The following JARID2 variants were observed in gnomAD, a reference collection of about 807,000 sequenced individuals.
The protein encoded by JARID2 is jumonji and AT-rich interaction domain containing 2, also known as protein Jumonji.
In JARID2, 21 loss-of-function variants were observed where a neutral mutation model predicts 125.6. The ratio of observed to expected loss-of-function variants is 0.17; its 90% CI spans 0.12 to 0.24. JARID2 has a LOEUF of 0.24. JARID2 is among the 10% of genes least tolerant of loss of function. JARID2 has a pLI of 1.00. For missense variants in JARID2, 1,303 were observed against 1,639.6 expected (o/e 0.79, Z 3.55); for synonymous variants, 736 against 661.6 (o/e 1.11, Z -1.73).
intron 5 of JARID2, among the ~76,000 whole-genome samples, chr6:15,470,154 G>T (rs1769001358): frequency 6.7e-6 from 1 of 148,518 alleles, no homozygotes; most frequent in Non-Finnish European, 1.5e-5. Flanking sequence ...TCCAGCTTGG[G>T]CGACAGAGCG....
chr6:15,324,152 C>G (rs940788775), intron 1 of JARID2, among the ~76,000 whole-genome samples: 19 of 150,706 alleles, frequency 1.3e-4, no homozygotes, highest in South Asian at 2.1e-4. Context: ...GCACTCCAGC[C>G]TGGGGGACAG....
At chr6:15,457,330 C>A (rs1581591377) in intron 4 of JARID2, among the ~76,000 whole-genome samples, 1 of 152,136 alleles carries the variant, frequency 6.6e-6, no homozygotes, top group Non-Finnish European at 1.5e-5. Context: ...GTTGGGAATG[C>A]GATTAACCTT....
intron 1 of JARID2, among the ~76,000 whole-genome samples, chr6:15,295,322 C>CGTGTTAGCCAGGA (rs1761373124): frequency 6.6e-6 from 1 of 151,986 alleles, no homozygotes; most frequent in Admixed American, 6.6e-5. Flanking sequence ...GGGATTTCAC[C>CGTGTTAGCCAGGA]GTGTTAGCCA....
intron 1 of JARID2, among the ~76,000 whole-genome samples, chr6:15,356,442 A>G (rs758027891): frequency 2.0e-5 from 3 of 152,014 alleles, no homozygotes; most frequent in Admixed American, 6.5e-5. Flanking sequence ...TATTATAGTC[A>G]TTCTAGTGGA....
intron 1 of JARID2, among the ~76,000 whole-genome samples, chr6:15,310,982 T>C (rs761925539): frequency 2.4e-4 from 37 of 152,246 alleles, no homozygotes; most frequent in Admixed American, 7.8e-4. Context: ...ATGGGAACCG[T>C]CATAGAGTGA....
chr6:15,367,505 G>A (rs1163211746), intron 1 of JARID2, among the ~76,000 whole-genome samples: 6 of 152,066 alleles, frequency 3.9e-5, no homozygotes, highest in African/African-American at 1.4e-4. Context: ...TTTTACCTAG[G>A]AGTCAGTGTG....
chr6:15,475,144 A>AT (rs1360284236), intron 5 of JARID2, among the ~76,000 whole-genome samples: 23 of 152,234 alleles, frequency 1.5e-4, no homozygotes. Context: ...TTAGAGCGGA[A>AT]TTCCTAGAAA....
At chr6:15,325,027 G>T in intron 1 of JARID2, among the ~76,000 whole-genome samples, 2 of 151,986 alleles carry the variant, frequency 1.3e-5, no homozygotes, top group South Asian at 4.2e-4. Context: ...CTGTGTATTC[G>T]TATGTGTTTA....
At chr6:15,339,966 T>G (rs1052374988) in intron 1 of JARID2, among the ~76,000 whole-genome samples, 1 of 140,916 alleles carries the variant, frequency 7.1e-6, no homozygotes, top group South Asian at 2.1e-4. Context: ...TTGGCATTAA[T>G]TTTTTTTTTT....
chr6:15,311,609 A>T (rs1264979793), intron 1 of JARID2, among the ~76,000 whole-genome samples: 2 of 152,108 alleles, frequency 1.3e-5, no homozygotes, highest in African/African-American at 4.8e-5. Context: ...AAGTCTGAAG[A>T]CTTGTGAGCA....
intron 3 of JARID2, among the ~76,000 whole-genome samples, chr6:15,430,723 G>A (rs1210182730): frequency 6.6e-6 from 1 of 152,068 alleles, no homozygotes; most frequent in Non-Finnish European, 1.5e-5. Flanking sequence ...GGACTTGTGG[G>A]GCATGCTTTC....
intron 4 of JARID2, among the ~76,000 whole-genome samples, chr6:15,457,184 T>C (rs1030087902): frequency 2.0e-5 from 3 of 152,240 alleles, no homozygotes; most frequent in Non-Finnish European, 2.9e-5. Flanking sequence ...ATGTTCCATT[T>C]GGTGAATGTC....
At chr6:15,383,055 G>A (rs2127530519) in intron 2 of JARID2, among the ~76,000 whole-genome samples, 1 of 152,290 alleles carries the variant, frequency 6.6e-6, no homozygotes, top group East Asian at 1.9e-4. Context: ...AGAGCAGTCT[G>A]AGCTCTAGTT....
In JARID2 at chr6:15,520,030, A is replaced by T; in HGVS notation, c.3559-39A>T. On this transcript the variant is annotated intron_variant, in intron 17 of 17. Transcript: ENST00000341776. ...TCTCAGGGACAGAGCTCTTGTTAATACGGTATGTTAACTGTGTCTTCCTTT... is the reference window on the plus strand; with the variant it reads ...TCTCAGGGACAGAGCTCTTGTTAATTCGGTATGTTAACTGTGTCTTCCTTT... The T allele has an allele frequency of 2.6e-6, 4 of 1,566,148 alleles. No individual in the cohort carries two copies. In the South Asian group the frequency reaches 4.7e-5, roughly 18 times the overall value.
Position 15,444,579 on chromosome 6 carries a change from G to C in JARID2, c.324-7427G>C, listed in dbSNP as rs1767586497. Among the ~76,000 whole-genome samples, 4 of 151,866 alleles carry C rather than the reference G, an allele frequency of 2.6e-5. No individual in the cohort carries two copies. The South Asian group carries it at 8.3e-4, about 31-fold the overall frequency. On this transcript the variant is annotated intron_variant, in intron 3 of 17. Coordinates refer to ENST00000341776, the MANE Select transcript of JARID2 (RefSeq NM_004973.4). Reference sequence around the variant, plus strand: ...TGTGTGTGTCTGGGGGGCGAATGGAGTGGGTAATTATTTTGGGGATGGAAA... The same window carrying C: ...TGTGTGTGTCTGGGGGGCGAATGGACTGGGTAATTATTTTGGGGATGGAAA...
At chr6:15,405,531 G>A (rs1222774984) in intron 2 of JARID2, among the ~76,000 whole-genome samples, 1 of 152,156 alleles carries the variant, frequency 6.6e-6, no homozygotes, top group African/African-American at 2.4e-5. Flanking sequence ...AAAGACAATA[G>A]ACATGGTTTA....
intron 1 of JARID2, among the ~76,000 whole-genome samples, chr6:15,303,050 A>G (rs1258517908): frequency 6.6e-6 from 1 of 152,168 alleles, no homozygotes; most frequent in Non-Finnish European, 1.5e-5. Flanking sequence ...AAAGTGAGCA[A>G]TGGTTATTAA....
At chr6:15,438,198 G>T (rs1219966983) in intron 3 of JARID2, among the ~76,000 whole-genome samples, 1 of 152,160 alleles carries the variant, frequency 6.6e-6, no homozygotes, top group Non-Finnish European at 1.5e-5. Context: ...ACTGATATAT[G>T]GCTGGGAGTG....
intron 4 of JARID2, among the ~76,000 whole-genome samples, chr6:15,462,409 A>G (rs967658336): frequency 1.3e-5 from 2 of 151,738 alleles, no homozygotes; most frequent in Non-Finnish European, 2.9e-5. Context: ...AGATGAATGT[A>G]GACAGCTGCC....
Sources: allele counts gnomAD v4.1 joint callset (sites outside exome capture counted in the v4.1 genomes callset), GRCh38; gene constraint gnomAD v4.1.1; transcripts MANE v1.5; gene names NCBI Gene and HGNC (gene_info 2026-07-23, HGNC 2026-07-21).